PRDM16: variants seen among roughly 807,000 people sequenced by gnomAD.
The protein encoded by PRDM16 is histone-lysine N-methyltransferase PRDM16.
Under a neutral mutation model 110.6 loss-of-function variants are expected in PRDM16, and 23 were observed. The observed-to-expected ratio is 0.21, with a 90% CI of 0.15 to 0.29. The LOEUF (loss-of-function observed/expected upper bound fraction) is 0.29, where lower values mean the gene tolerates loss of function less well. PRDM16 is among the 10% of genes least tolerant of loss of function. The pLI, the probability that PRDM16 is intolerant of heterozygous loss-of-function variation, is 1.00. For synonymous variants in PRDM16, 799 were observed against 781.8 expected (o/e 1.02, Z -0.37); for missense variants, 1,615 against 1,794.3 (o/e 0.90, Z 1.81).
At chr1:3,117,447 C>T (rs1642986923) in intron 1 of PRDM16, among the ~76,000 whole-genome samples, 1 of 152,094 alleles carries the variant, frequency 6.6e-6, no homozygotes, top group Non-Finnish European at 1.5e-5. Context: ...CCCTTTCTGC[C>T]CCAGAGAGCC....
chr1:3,412,206 C>T lies in PRDM16; in HGVS notation c.2009C>T (p.Ser670Phe), dbSNP rs780430016. The stretch of plus-strand genomic sequence containing the variant: ...GTGGCCGAGGTGCCTGTCTTCTATT[C>T]CCAGCACTCATTCTTCCCGCCACCC... ...NSVAEVPVFY[S>F]QHSFFPPPDE... The change falls in exon 9 of 17, where the codon TCC becomes TTC. Residue 670 changes from serine (S) to phenylalanine (F), a missense_variant. Ser to Phe is a radical substitution (Grantham distance 155). Transcript: ENST00000270722. The T allele has an allele frequency of 6.2e-7, 1 of 1,605,514 alleles. No individual in the cohort carries two copies. Among genetic ancestry groups the T allele is most frequent in the Non-Finnish European group, 8.5e-7 (1 of 1,174,236 alleles).
chr1:3,081,653 G>T lies in PRDM16; in HGVS notation c.37+12357G>T, dbSNP rs908931098. Among the ~76,000 whole-genome samples, 19 of 152,176 alleles carry T rather than the reference G, an allele frequency of 1.2e-4. No individual in the cohort carries two copies. Among genetic ancestry groups the T allele is most frequent in the African/African-American group, 4.3e-4 (18 of 41,442 alleles). The stretch of plus-strand genomic sequence containing the variant: ...GGCAGCTCCAGGAAGCCTTGCTGTG[G>T]ACTGGGCAGGACAGCTGGACCTCCT... On this transcript the variant is annotated intron_variant, in intron 1 of 16. Transcript: ENST00000270722. This position sits in a 1 kb window ranked among gnomAD's most constrained non-coding sequence, Gnocchi z 4.6.
At chr1:3,286,906 T>G (rs1640857646) in intron 3 of PRDM16, among the ~76,000 whole-genome samples, 1 of 151,238 alleles carries the variant, frequency 6.6e-6, no homozygotes, top group Non-Finnish European at 1.5e-5. Context: ...CTGCCCACCC[T>G]TCCTGGGTGC....
At chr1:3,090,159 G>A (rs1035580871) in intron 1 of PRDM16, among the ~76,000 whole-genome samples, 4 of 152,252 alleles carry the variant, frequency 2.6e-5, no homozygotes, top group Non-Finnish European at 5.9e-5. Context: ...GAGAATGCCA[G>A]CAAGCTTCTT....
chr1:3,224,745 CA>C (rs906417299), intron 2 of PRDM16, among the ~76,000 whole-genome samples: 1 of 152,246 alleles, frequency 6.6e-6, no homozygotes, highest in South Asian at 2.1e-4. Context: ...CACAGGATGA[CA>C]GGGGGAACCC....
At chr1:3,112,545 G>A (rs1266367641) in intron 1 of PRDM16, among the ~76,000 whole-genome samples, 1 of 152,184 alleles carries the variant, frequency 6.6e-6, no homozygotes, top group Non-Finnish European at 1.5e-5. Flanking sequence ...AGTGGCCTTC[G>A]CCTGGGGATT....
At chr1:3,375,640 G>A (rs2100586397) in intron 3 of PRDM16, among the ~76,000 whole-genome samples, 1 of 152,338 alleles carries the variant, frequency 6.6e-6, no homozygotes, top group Admixed American at 6.5e-5. Context: ...TCCTGTGGCA[G>A]GGGGCACAGC....
intron 1 of PRDM16, among the ~76,000 whole-genome samples, chr1:3,091,389 T>C (rs760255917): frequency 1.3e-5 from 2 of 152,130 alleles, no homozygotes; most frequent in Non-Finnish European, 2.9e-5. Flanking sequence ...ATCTCTTTCA[T>C]CTTCCAAGGC....
At chr1:3,376,366 C>T (rs570847383) in intron 3 of PRDM16, among the ~76,000 whole-genome samples, 1 of 152,344 alleles carries the variant, frequency 6.6e-6, no homozygotes, top group East Asian at 1.9e-4. Context: ...CAGGCGTGGA[C>T]TCCACGTGTC....
chr1:3,366,084 G>A (rs1343487953), intron 3 of PRDM16, among the ~76,000 whole-genome samples: 2 of 152,376 alleles, frequency 1.3e-5, no homozygotes, highest in Admixed American at 6.5e-5. Context: ...GGTCTGGGAA[G>A]ATGGCGAAGA....
At chr1:3,181,565 C>CGGTCTTACACAGTCTTACACAT (rs1183088367) in intron 1 of PRDM16, among the ~76,000 whole-genome samples, 1,002 of 33,938 alleles carry the variant, frequency 0.03, 337 homozygotes, top group African/African-American at 0.089. Flanking sequence ...GTCTTACACA[C>CGGTCTTACACAGTCTTACACAT]GCAGTCTTAC....
intron 1 of PRDM16, among the ~76,000 whole-genome samples, chr1:3,167,450 G>A (rs1038244077): frequency 3.9e-5 from 6 of 152,054 alleles, no homozygotes; most frequent in Middle Eastern, 3.2e-3. Context: ...GTCACCGGGG[G>A]TCACATTCGC....
intron 1 of PRDM16, among the ~76,000 whole-genome samples, chr1:3,181,702 A>ACGGTCTTACACACG (rs1229313882): frequency 1.5e-5 from 2 of 134,118 alleles, no homozygotes; most frequent in Non-Finnish European, 3.2e-5. Flanking sequence ...GGTCTTACAC[A>ACGGTCTTACACACG]CGGTCTTACA....
chr1:3,287,842 G>A lies in PRDM16; in HGVS notation c.438+43705G>A, dbSNP rs373192493. ...GATTGCATTTACCGGGACTGCAGCC[G>A]CCCCGCCACGCGGGCATCCAGGATT... is the stretch of plus-strand genomic sequence containing the variant. On this transcript the variant is annotated intron_variant, in intron 3 of 16. Transcript: ENST00000270722. Among the ~76,000 whole-genome samples, 117 of 150,144 alleles carry A rather than the reference G, an allele frequency of 7.8e-4. 1 individual carries two copies. The East Asian group carries it at 0.022, about 28-fold the overall frequency.
intron 2 of PRDM16, among the ~76,000 whole-genome samples, chr1:3,236,039 G>A (rs1048641158): frequency 2.0e-5 from 3 of 152,178 alleles, no homozygotes; most frequent in Non-Finnish European, 4.4e-5. Context: ...TCTCTGGAAA[G>A]GGATAGCATG....
intron 3 of PRDM16, among the ~76,000 whole-genome samples, chr1:3,345,129 T>A (rs929824880): frequency 2.0e-5 from 3 of 152,224 alleles, no homozygotes; most frequent in African/African-American, 7.2e-5. Flanking sequence ...GAGTTCCAGC[T>A]GCCCTGTACC....
chr1:3,072,904 C>T (rs1444520279), intron 1 of PRDM16, among the ~76,000 whole-genome samples: 4 of 152,256 alleles, frequency 2.6e-5, no homozygotes, highest in South Asian at 2.1e-4. Context: ...CCCCTGGCTG[C>T]GCAGGTGTGC....
At chr1:3,091,630 T>C (rs993162554) in intron 1 of PRDM16, among the ~76,000 whole-genome samples, 1 of 152,218 alleles carries the variant, frequency 6.6e-6, no homozygotes, top group African/African-American at 2.4e-5. Context: ...GCACCTCTGC[T>C]GGGCAGGGCT....
At chr1:3,112,679 C>G (rs996462346) in intron 1 of PRDM16, among the ~76,000 whole-genome samples, 2 of 152,258 alleles carry the variant, frequency 1.3e-5, no homozygotes, top group Non-Finnish European at 2.9e-5. Flanking sequence ...GCAGACAGGG[C>G]CTTCCCACTT....
Sources: gnomAD v4.1 joint callset for allele counts (sites outside exome capture counted in the v4.1 genomes callset) on GRCh38, gnomAD v4.1.1 for gene constraint, Gnocchi (gnomAD v3.1) non-coding constraint, MANE v1.5 for transcripts, NCBI Gene and HGNC (gene_info 2026-07-23, HGNC 2026-07-21) for gene names.